The following ZC3H6 variants were observed in gnomAD, a reference collection of about 807,000 sequenced individuals.
ZC3H6 encodes zinc finger CCCH domain-containing protein 6.
In ZC3H6, 40 loss-of-function variants were observed where a neutral mutation model predicts 107.7. That is an observed-to-expected ratio of 0.37 (90% CI 0.29 to 0.48). ZC3H6 has a LOEUF of 0.48. ZC3H6 is among the 20% of genes least tolerant of loss of function. ZC3H6 has a pLI of 0.98. For missense variants in ZC3H6, 1,267 were observed against 1,410.4 expected, an observed-to-expected ratio of 0.90 and a Z score of 1.63; for synonymous variants, 493 against 487.9, an observed-to-expected ratio of 1.01 and a Z score of -0.14.
intron 1 of ZC3H6, among the ~76,000 whole-genome samples, chr2:112,283,373 G>A (rs1686558935): frequency 6.6e-6 from 1 of 152,042 alleles, no homozygotes; most frequent in Non-Finnish European, 1.5e-5. Context: ...TCAGATAACT[G>A]TTAATACACT....
chr2:112,299,002 G>T (rs755507506), intron 1 of ZC3H6, among the ~76,000 whole-genome samples: 9 of 152,148 alleles, frequency 5.9e-5, no homozygotes, highest in Non-Finnish European at 1.2e-4. Flanking sequence ...GGCCGGGTGT[G>T]GTGGGTGGCT....
chr2:112,332,505 C>T lies in ZC3H6; in HGVS notation c.*17C>T. 6.3e-7 allele frequency: 1 copy of T among 1,582,432 alleles called. No individual in the cohort carries two copies. The highest frequency in any genetic ancestry group is 8.6e-7 in the Non-Finnish European group (1 of 1,165,880). On this transcript the variant is annotated 3_prime_UTR_variant, in exon 12 of 12. Transcript: ENST00000409871. ...TTTTGTTAGCTATTGTGTAACTGAGCAATTCTTTTCACTCTTGTGACTATC... is the reference window on the plus strand; with the variant it reads ...TTTTGTTAGCTATTGTGTAACTGAGTAATTCTTTTCACTCTTGTGACTATC...
At chr2:112,315,217 A>G (rs1317824102) in intron 5 of ZC3H6, among the ~76,000 whole-genome samples, 1 of 152,218 alleles carries the variant, frequency 6.6e-6, no homozygotes, top group Non-Finnish European at 1.5e-5. Context: ...TACATTTAGC[A>G]TGGCTAAGCA....
At chr2:112,287,236 T>C (rs1686625567) in intron 1 of ZC3H6, among the ~76,000 whole-genome samples, 1 of 152,124 alleles carries the variant, frequency 6.6e-6, no homozygotes, top group Non-Finnish European at 1.5e-5. Flanking sequence ...CAGTCTGCAC[T>C]GAAAGCCTAA....
Position 112,324,803 on chromosome 2 carries a change from G to A in ZC3H6, c.1852+140G>A, listed in dbSNP as rs1179481049. ...TGAAACCTTAAAATGTTTTCAGTTT[G>A]CCAAACTTTTGAAACAATAGAATTT... On this transcript the variant is annotated intron_variant, in intron 10 of 11. Coordinates refer to ENST00000409871, the MANE Select transcript of ZC3H6 (RefSeq NM_198581.3). 8.5e-6 allele frequency: 10 copies of A among 1,171,386 alleles called. No homozygotes were observed. The East Asian group carries it at 2.6e-4, about 30-fold the overall frequency. The allele number at this position is 1,171,386 out of a possible 1,614,324, so 72.6% of individuals were successfully genotyped here. A position where few individuals can be genotyped will look rare whatever the true frequency, so the allele number is the denominator to read the frequency against.
In ZC3H6 at chr2:112,333,658, C is replaced by A. The variant is rs537801035; in HGVS notation, c.*1170C>A. Reference sequence around the variant, plus strand: ...TATTACAATATATAAATAATGGCAACTCTTTGTTTTATACATATATAATTT... The same window carrying A: ...TATTACAATATATAAATAATGGCAAATCTTTGTTTTATACATATATAATTT... On this transcript the variant is annotated 3_prime_UTR_variant, in exon 12 of 12. Transcript: ENST00000409871. 1.3e-5 allele frequency: 2 copies of A among 152,096 alleles called. No individual in the cohort carries two copies. The highest frequency in any genetic ancestry group is 4.1e-4 in the South Asian group (2 of 4,828). The allele number at this position is 152,096 out of a possible 1,614,324, so 9.4% of individuals were successfully genotyped here.
chr2:112,322,071 A>C (rs933657041), intron 8 of ZC3H6, among the ~76,000 whole-genome samples: 2 of 150,866 alleles, frequency 1.3e-5, no homozygotes, highest in Non-Finnish European at 3.0e-5. Context: ...AAACCATTTC[A>C]ACTTTTTTTT....
intron 1 of ZC3H6, 64 bp from the exon 2 acceptor site, chr2:112,299,785 T>G (rs991221854): frequency 8.2e-7 from 1 of 1,226,902 alleles, no homozygotes; most frequent in African/African-American, 1.6e-5. Context: ...TTTTTTCTTT[T>G]GAAAATCTTT....
chr2:112,338,879 A>G lies in ZC3H6; in HGVS notation c.*6391A>G, dbSNP rs1366461617. 712 of 15,046 alleles carry G rather than the reference A, an allele frequency of 0.047. 36 individuals are homozygous for G. Among genetic ancestry groups the G allele is most frequent in the African/African-American group, 0.34 (572 of 1,694 alleles). The allele number at this position is 15,046 out of a possible 1,614,324, so 0.9% of individuals were successfully genotyped here. A position where few individuals can be genotyped will look rare whatever the true frequency, so the allele number is the denominator to read the frequency against. ...TGTATATATATATATATATATATAT[A>G]TATATATATATATATATATATATAT... On this transcript the variant is annotated 3_prime_UTR_variant, in exon 12 of 12. Transcript: ENST00000409871.
intron 1 of ZC3H6, 148 bp from the exon 2 acceptor site, chr2:112,299,701 C>T: frequency 2.2e-6 from 1 of 450,630 alleles, no homozygotes; most frequent in Non-Finnish European, 3.8e-6. Context: ...AAAATATTTA[C>T]TATCTGGGCC....
chr2:112,318,635 T>A (rs1029050350), intron 7 of ZC3H6, among the ~76,000 whole-genome samples: 1 of 152,182 alleles, frequency 6.6e-6, no homozygotes, highest in Non-Finnish European at 1.5e-5. Flanking sequence ...TGAAGTTTGT[T>A]AGCAAGGATG....
In ZC3H6 at chr2:112,316,817, C is replaced by T. The variant is rs115626408; in HGVS notation, c.864+231C>T. On this transcript the variant is annotated intron_variant, in intron 6 of 11. Transcript: ENST00000409871. ...TTTGTTTAAAAGACACATAATGCTA[C>T]GTGGCAAGTACTGTTCAAAGTACAA... 2.9e-3 allele frequency among the ~76,000 whole-genome samples: 448 copies of T among 152,250 alleles called. 2 individuals are homozygous for T. The highest frequency in any genetic ancestry group is 9.8e-3 in the African/African-American group (408 of 41,550).
At chr2:112,278,237 T>C (rs993274008) in intron 1 of ZC3H6, among the ~76,000 whole-genome samples, 4 of 152,254 alleles carry the variant, frequency 2.6e-5, no homozygotes, top group Non-Finnish European at 5.9e-5. Flanking sequence ...TATGCTGTTA[T>C]AAAAGTTTCT....
In ZC3H6 at chr2:112,324,318, C is replaced by G. The variant is rs1300797086; in HGVS notation, c.1507C>G (p.Pro503Ala). ...GCACCCAGGCTCCCCTGGACATCAC[C>G]CATGTGCAGGACCTCCTGGTCTACC... The part of the protein sequence containing the change: ...VMHPGSPGHH[P>A]CAGPPGLPVP... Residue 503 changes from proline (P) to alanine (A), a missense_variant, in exon 10 of 12, where the codon CCA becomes GCA. By Grantham distance (27) the Pro-to-Ala change is conservative (BLOSUM62 -1). Transcript: ENST00000409871. 3 of 1,613,928 alleles carry G rather than the reference C, an allele frequency of 1.9e-6. No individual in the cohort carries two copies. Among genetic ancestry groups the G allele is most frequent in the Non-Finnish European group, 2.5e-6 (3 of 1,179,852 alleles).
intron 1 of ZC3H6, among the ~76,000 whole-genome samples, chr2:112,282,264 G>C (rs912308333): frequency 6.6e-6 from 1 of 152,162 alleles, no homozygotes. Flanking sequence ...AGTTCAGAGC[G>C]GCCGGAGAAC....
At chr2:112,279,432 G>GA (rs1416000923) in intron 1 of ZC3H6, among the ~76,000 whole-genome samples, 1 of 152,198 alleles carries the variant, frequency 6.6e-6, no homozygotes, top group Non-Finnish European at 1.5e-5. Context: ...TTGTACTGGG[G>GA]AAAAAGATAA....
chr2:112,318,873 A>G (rs191648078), intron 7 of ZC3H6, among the ~76,000 whole-genome samples: 2 of 152,344 alleles, frequency 1.3e-5, no homozygotes, highest in East Asian at 3.9e-4. Context: ...AGGACTGATC[A>G]GTCTTAACAT....
chr2:112,326,391 A>G (rs1420790549), intron 11 of ZC3H6, among the ~76,000 whole-genome samples: 4 of 152,046 alleles, frequency 2.6e-5, no homozygotes, highest in African/African-American at 7.2e-5. Context: ...TCTGGTAACC[A>G]TCCTTCTACT....
Position 112,332,188 on chromosome 2 carries a change from T to G in ZC3H6, c.3270T>G (p.Pro1090=). ...LKSSDKTEPS[P]GEAILPQKPS... ...GTAGTGACAAAACTGAACCTTCTCCTGGAGAAGCCATCCTTCCACAAAAAC... is the reference window on the plus strand; with the variant it reads ...GTAGTGACAAAACTGAACCTTCTCCGGGAGAAGCCATCCTTCCACAAAAAC... The change falls in exon 12 of 12, where the codon CCT becomes CCG. Residue 1090 remains proline, a synonymous_variant. Transcript: ENST00000409871. 6.2e-7 allele frequency: 1 copy of G among 1,613,998 alleles called. No individual in the cohort carries two copies. Among genetic ancestry groups the G allele is most frequent in the Non-Finnish European group, 8.5e-7 (1 of 1,179,878 alleles).
Sources: gnomAD v4.1 joint callset for allele counts (sites outside exome capture counted in the v4.1 genomes callset) on GRCh38, gnomAD v4.1.1 for gene constraint, MANE v1.5 for transcripts, NCBI Gene and HGNC (gene_info 2026-07-23, HGNC 2026-07-21) for gene names.